FAM43A: variants seen among roughly 807,000 people sequenced by gnomAD.
FAM43A encodes the protein protein FAM43A.
FAM43A carries 11 observed loss-of-function variants against 15.7 expected under a neutral mutation model. The observed-to-expected ratio is 0.70, with a 90% confidence interval of 0.44 to 1.16. The LOEUF (loss-of-function observed/expected upper bound fraction) is 1.16, where lower values mean the gene tolerates loss of function less well. Among genes scored for constraint, FAM43A ranks in the 50% most tolerant of loss-of-function variants. The pLI, the probability that FAM43A is intolerant of heterozygous loss-of-function variation, is 0.00. For missense variants in FAM43A, 573 were observed against 620.0 expected, an observed-to-expected ratio of 0.92 and a Z score of 0.80; for synonymous variants, 319 against 291.7, an observed-to-expected ratio of 1.09 and a Z score of -0.96.
In FAM43A at chr3:194,686,999, G is replaced by C. The variant is rs1353264725; in HGVS notation, c.173G>C (p.Arg58Pro). ...GTGGGCAGCATGTTCCGCTCCAAGCGCAAGAAGCTGCACATCACTAGCGAG... is the reference window on the plus strand; with the variant it reads ...GTGGGCAGCATGTTCCGCTCCAAGCCCAAGAAGCTGCACATCACTAGCGAG... ...SRVGSMFRSK[R>P]KKLHITSEDP... Residue 58 changes from arginine (R) to proline (P), a missense_variant, in exon 1 of 1, where the codon CGC (arginine) becomes CCC (proline). Arg to Pro is a moderately radical substitution (Grantham distance 103, BLOSUM62 -2). Coordinates refer to ENST00000329759, the MANE Select transcript of FAM43A (RefSeq NM_153690.5). 6.2e-7 allele frequency: 1 copy of C among 1,609,258 alleles called. No homozygotes were observed. Among genetic ancestry groups the C allele is most frequent in the Admixed American group, 1.7e-5 (1 of 59,862 alleles).
In FAM43A at chr3:194,687,192, C is replaced by A. The variant is rs199570017; in HGVS notation, c.366C>A (p.His122Gln). The A allele has an allele frequency of 1.9e-6, 3 of 1,607,416 alleles. No homozygotes were observed. The highest frequency in any genetic ancestry group is 1.3e-5 in the African/African-American group (1 of 74,916). The change falls in exon 1 of 1, where the codon CAC becomes CAA. Residue 122 changes from histidine to glutamine, a missense_variant. Physicochemically the swap from His to Gln is conservative, Grantham distance 24. Coordinates refer to ENST00000329759, the MANE Select transcript of FAM43A (RefSeq NM_153690.5). ...GTGCGCAGGGTATCCGCATGGTGCACGCCGAGGAGCGCGCGCTGCGCCGCC... is the reference window on the plus strand; with the variant it reads ...GTGCGCAGGGTATCCGCATGGTGCAAGCCGAGGAGCGCGCGCTGCGCCGCC... ...TVSAQGIRMV[H>Q]AEERALRRPG...
rs1719425288 is a variant in FAM43A, at chr3:194,686,732, C to T, written c.-95C>T. The stretch of plus-strand genomic sequence containing the variant: ...AGTAGTTTTATTCTTCGATCTTGCC[C>T]GGGCCGAGCCTGGCAGGGGCCGGTG... On this transcript the variant is annotated 5_prime_UTR_variant, in exon 1 of 1. Coordinates refer to ENST00000329759, the MANE Select transcript of FAM43A (RefSeq NM_153690.5). The T allele has an allele frequency of 1.6e-6, 2 of 1,248,402 alleles. No homozygotes were observed. The highest frequency in any genetic ancestry group is 2.4e-5 in the South Asian group (1 of 40,934). The allele number at this position is 1,248,402 out of a possible 1,614,324, so 77.3% of individuals were successfully genotyped here.
rs536754927 is a variant in FAM43A, at chr3:194,688,999, C to G, written c.*901C>G. The G allele has an allele frequency of 6.3e-6, 1 of 158,998 alleles. No individual in the cohort carries two copies. Among genetic ancestry groups the G allele is most frequent in the Non-Finnish European group, 1.5e-5 (1 of 68,084 alleles). The allele number at this position is 158,998 out of a possible 1,614,324, so 9.8% of individuals were successfully genotyped here. A position where few individuals can be genotyped will look rare whatever the true frequency, so the allele number is the denominator to read the frequency against. ...TAGCACTGTTCTGGTTCTGTTTGCA[C>G]GCCAGTGGGGAGAGAATAAAGAGGA... On this transcript the variant is annotated 3_prime_UTR_variant, in exon 1 of 1. Coordinates refer to ENST00000329759, the MANE Select transcript of FAM43A (RefSeq NM_153690.5).
rs781105753 is a variant in FAM43A at position 194,688,014 on chromosome 3, G to T, written c.1188G>T (p.Gly396=). ...STGSESSIEG[G]GPDATSATAG... Reference sequence around the variant, plus strand: ...GCAGCGAGAGCTCCATCGAGGGCGGGGGCCCTGACGCCACCTCCGCCACCG... The same window carrying T: ...GCAGCGAGAGCTCCATCGAGGGCGGTGGCCCTGACGCCACCTCCGCCACCG... The change falls in exon 1 of 1, where the codon GGG becomes GGT. Residue 396 remains glycine (G), a synonymous_variant. Transcript: ENST00000329759. 2 of 1,421,174 alleles carry T rather than the reference G, an allele frequency of 1.4e-6. No individual in the cohort carries two copies. Among genetic ancestry groups the T allele is most frequent in the East Asian group, 5.4e-5 (2 of 36,852 alleles). 88.0% of individuals were successfully genotyped at this position (1,421,174 alleles called of 1,614,324 possible).
rs555267876 is a variant in FAM43A, at chr3:194,687,510, G to A, written c.684G>A (p.Lys228=). ...AHTIPLVPLR[K]LLLHGPCCYK... ...CCATCCCGCTAGTGCCGCTGCGCAA[G>A]CTGCTCCTACACGGACCCTGCTGCT... is the stretch of plus-strand genomic sequence containing the variant. Residue 228 remains lysine, a synonymous_variant, in exon 1 of 1, where the codon AAG becomes AAA. Coordinates refer to ENST00000329759, the MANE Select transcript of FAM43A (RefSeq NM_153690.5). 3.9e-6 allele frequency: 6 copies of A among 1,552,446 alleles called. No homozygotes were observed. The Admixed American group carries it at 9.6e-5, about 25-fold the overall frequency.
Position 194,687,813 on chromosome 3 carries a change from G to A in FAM43A, c.987G>A (p.Gly329=), listed in dbSNP as rs766422531. The change falls in exon 1 of 1, where the codon GGG becomes GGA. Residue 329 remains glycine (G), a synonymous_variant. Coordinates refer to ENST00000329759, the MANE Select transcript of FAM43A (RefSeq NM_153690.5). The part of the protein sequence containing the change: ...NGRGEALGGG[G]GSLGPGAGPP... ...GTGGGGAGGCGCTAGGAGGCGGCGGGGGCTCCCTGGGCCCGGGGGCCGGGC... is the reference window on the plus strand; with the variant it reads ...GTGGGGAGGCGCTAGGAGGCGGCGGAGGCTCCCTGGGCCCGGGGGCCGGGC... 3 of 1,452,100 alleles carry A rather than the reference G, an allele frequency of 2.1e-6. No homozygotes were observed. The highest frequency in any genetic ancestry group is 2.7e-6 in the Non-Finnish European group (3 of 1,099,618). The allele number at this position is 1,452,100 out of a possible 1,614,324, so 90.0% of individuals were successfully genotyped here.
At position 194,688,456 on chromosome 3, in the gene FAM43A, G is replaced by A; in HGVS notation, c.*358G>A. ...GTTTCCTGTTTGTGGGGCAGCTGGG[G>A]CCTGAGGAGGAGGGGTTCACTTCCT... On this transcript the variant is annotated 3_prime_UTR_variant, in exon 1 of 1. Transcript: ENST00000329759. 1 of 220,416 alleles carries A rather than the reference G, an allele frequency of 4.5e-6. No individual in the cohort carries two copies. The highest frequency in any genetic ancestry group is 9.7e-5 in the East Asian group (1 of 10,356). 13.7% of individuals were successfully genotyped at this position (220,416 alleles called of 1,614,324 possible).
In FAM43A at chr3:194,687,030, A is replaced by C. The variant is rs199523319; in HGVS notation, c.204A>C (p.Pro68=). ...AGCTGCACATCACTAGCGAGGACCCAACTTACACCGTGCTCTACCTGGGCA... is the reference window on the plus strand; with the variant it reads ...AGCTGCACATCACTAGCGAGGACCCCACTTACACCGTGCTCTACCTGGGCA... The part of the protein sequence containing the change: ...RKKLHITSED[P]TYTVLYLGNA... The change falls in exon 1 of 1, where the codon CCA becomes CCC. Residue 68 remains proline (P), a synonymous_variant. Transcript: ENST00000329759. 119 of 1,612,342 alleles carry C rather than the reference A, an allele frequency of 7.4e-5. No individual in the cohort carries two copies. Among genetic ancestry groups the C allele is most frequent in the Non-Finnish European group, 8.8e-5 (104 of 1,178,952 alleles).
chr3:194,687,252 C>T lies in FAM43A; in HGVS notation c.426C>T (p.Tyr142=). 1 of 1,599,190 alleles carries T rather than the reference C, an allele frequency of 6.3e-7. No individual in the cohort carries two copies. The highest frequency in any genetic ancestry group is 1.1e-5 in the South Asian group (1 of 90,570). The change falls in exon 1 of 1, where the codon TAC becomes TAT. Residue 142 remains tyrosine, a synonymous_variant. Coordinates refer to ENST00000329759, the MANE Select transcript of FAM43A (RefSeq NM_153690.5). Reference sequence around the variant, plus strand: ...TCTACCTGCTGCACCGCGTCACCTACTGCGTGGCCGACGCGCGGCTGCCCA... The same window carrying T: ...TCTACCTGCTGCACCGCGTCACCTATTGCGTGGCCGACGCGCGGCTGCCCA... ...GHLYLLHRVT[Y]CVADARLPKV...
In FAM43A at chr3:194,686,812, G is replaced by T; in HGVS notation, c.-15G>T. The T allele has an allele frequency of 6.6e-7, 1 of 1,510,474 alleles. No homozygotes were observed. The allele number at this position is 1,510,474 out of a possible 1,614,324, so 93.6% of individuals were successfully genotyped here. A position where few individuals can be genotyped will look rare whatever the true frequency, so the allele number is the denominator to read the frequency against. On this transcript the variant is annotated 5_prime_UTR_variant, in exon 1 of 1. Coordinates refer to ENST00000329759, the MANE Select transcript of FAM43A (RefSeq NM_153690.5). ...CCGCCGCCGCCGCCCAGCTGCGCCG[G>T]GGCGCCCTCCGGAGATGCTGCCGTG... is the stretch of plus-strand genomic sequence containing the variant.
At position 194,688,136 on chromosome 3, in the gene FAM43A, C is replaced by T; in HGVS notation, c.*38C>T. On this transcript the variant is annotated 3_prime_UTR_variant, in exon 1 of 1. Transcript: ENST00000329759. ...GTCGCCGGCGCTCCACCGTGGCTAC[C>T]CATCCGTGGTCCCGACAACCTCCCT... is the stretch of plus-strand genomic sequence containing the variant. The T allele has an allele frequency of 7.6e-7, 1 of 1,311,930 alleles. No homozygotes were observed. The highest frequency in any genetic ancestry group is 9.8e-7 in the Non-Finnish European group (1 of 1,024,212). The allele number at this position is 1,311,930 out of a possible 1,614,324, so 81.3% of individuals were successfully genotyped here. A position where few individuals can be genotyped will look rare whatever the true frequency, so the allele number is the denominator to read the frequency against.
Position 194,687,825 on chromosome 3 carries a change from CCCGGGGG to C in FAM43A, c.1005_1011del (p.Ala336ArgfsTer12). 6.9e-7 allele frequency: 1 copy of C among 1,448,042 alleles called. No individual in the cohort carries two copies. Among genetic ancestry groups the C allele is most frequent in the Non-Finnish European group, 9.1e-7 (1 of 1,098,422 alleles). The allele number at this position is 1,448,042 out of a possible 1,614,324, so 89.7% of individuals were successfully genotyped here. On this transcript the variant is annotated frameshift_variant, in exon 1 of 1. Transcript: ENST00000329759. LOFTEE classifies it high-confidence loss of function. Reference sequence around the variant, plus strand: ...TAGGAGGCGGCGGGGGCTCCCTGGGCCCGGGGGCCGGGCCGCCGCCTCTGCTGCTGGG... The same window carrying C: ...TAGGAGGCGGCGGGGGCTCCCTGGGCCCGGGCCGCCGCCTCTGCTGCTGGG...
rs768347113 is a variant in FAM43A at position 194,687,381 on chromosome 3, C to G, written c.555C>G (p.Ala185=). The G allele has an allele frequency of 3.9e-6, 6 of 1,537,894 alleles. No homozygotes were observed. In the South Asian group the frequency reaches 7.1e-5, roughly 18 times the overall value. ...VSKPEKAQAM[A]LLLYQTSANA... ...AGCCCGAAAAGGCGCAGGCCATGGC[C>G]CTGCTGCTCTACCAGACGTCGGCCA... is the stretch of plus-strand genomic sequence containing the variant. The change falls in exon 1 of 1, where the codon GCC becomes GCG. Residue 185 remains alanine, a synonymous_variant. Coordinates refer to ENST00000329759, the MANE Select transcript of FAM43A (RefSeq NM_153690.5).
chr3:194,686,244 G>A lies in FAM43A; in HGVS notation c.-583G>A, dbSNP rs1210342934. On this transcript the variant is annotated 5_prime_UTR_variant, in exon 1 of 1. Transcript: ENST00000329759. ...TGACTTGAGACCAGCCCAAACGGGG[G>A]GCTTTCCATCTCCAGCACCCCTCGG... 3.3e-5 allele frequency among the ~76,000 whole-genome samples: 5 copies of A among 152,316 alleles called. No homozygotes were observed. Among genetic ancestry groups the A allele is most frequent in the African/African-American group, 1.2e-4 (5 of 41,578 alleles).
At position 194,686,956 on chromosome 3, in the gene FAM43A, G is replaced by T. The variant is rs1270358476; in HGVS notation, c.130G>T (p.Glu44Ter). 1 of 1,610,450 alleles carries T rather than the reference G, an allele frequency of 6.2e-7. No homozygotes were observed. Among genetic ancestry groups the T allele is most frequent in the Non-Finnish European group, 8.5e-7 (1 of 1,177,970 alleles). The part of the protein sequence containing the change: ...ALSSLARACP[E>*]GALSRVGSMF... ...CAGCTCGCTGGCGCGGGCGTGCCCCGAAGGCGCGCTTAGCCGGGTGGGCAG... is the reference window on the plus strand; with the variant it reads ...CAGCTCGCTGGCGCGGGCGTGCCCCTAAGGCGCGCTTAGCCGGGTGGGCAG... Residue 44 changes from glutamate to a stop codon, truncating the protein, a stop_gained, in exon 1 of 1, where the codon GAA (glutamate) becomes TAA (stop). Coordinates refer to ENST00000329759, the MANE Select transcript of FAM43A (RefSeq NM_153690.5). LOFTEE classifies it high-confidence loss of function.
Position 194,687,890 on chromosome 3 carries a change from A to G in FAM43A, c.1064A>G (p.Gln355Arg), listed in dbSNP as rs931299103. ...TCCGACATGAAGGCTGAGCTGTCGC[A>G]ACTTATTAGCGACCTGGGCGAGCTC... ...SASDMKAELSQLISDLGELSF... is the reference protein window; with the variant it reads ...SASDMKAELSRLISDLGELSF... The change falls in exon 1 of 1, where the codon CAA becomes CGA. Residue 355 changes from glutamine to arginine, a missense_variant. Gln to Arg is a conservative substitution (Grantham distance 43). Transcript: ENST00000329759. 1 of 1,470,170 alleles carries G rather than the reference A, an allele frequency of 6.8e-7. No homozygotes were observed. Among genetic ancestry groups the G allele is most frequent in the African/African-American group, 1.4e-5 (1 of 69,424 alleles). The allele number at this position is 1,470,170 out of a possible 1,614,324, so 91.1% of individuals were successfully genotyped here.
Position 194,688,100 on chromosome 3 carries a change from C to A in FAM43A, c.*2C>A. ...GCAGACGAGCCCCACTCGGGCTGAG[C>A]TCCTCCGCGCGTCGCCGGCGCTCCA... On this transcript the variant is annotated 3_prime_UTR_variant, in exon 1 of 1. Coordinates refer to ENST00000329759, the MANE Select transcript of FAM43A (RefSeq NM_153690.5). The A allele has an allele frequency of 7.5e-7, 1 of 1,336,856 alleles. No homozygotes were observed. Among genetic ancestry groups the A allele is most frequent in the Non-Finnish European group, 9.6e-7 (1 of 1,038,386 alleles). 82.8% of individuals were successfully genotyped at this position (1,336,856 alleles called of 1,614,324 possible).
rs774299048 is a variant in FAM43A, at chr3:194,687,566, C to A, written c.740C>A (p.Ala247Glu). The A allele has an allele frequency of 2.5e-6, 4 of 1,586,804 alleles. No individual in the cohort carries two copies. The highest frequency in any genetic ancestry group is 8.6e-7 in the Non-Finnish European group (1 of 1,166,714). Residue 247 changes from alanine to glutamate, a missense_variant, in exon 1 of 1, where the codon GCG (alanine) becomes GAG (glutamate). Physicochemically the swap from Ala to Glu is moderately radical, Grantham distance 107 (BLOSUM62 -1). Coordinates refer to ENST00000329759, the MANE Select transcript of FAM43A (RefSeq NM_153690.5). ...YKPPVERSRS[A>E]PKLGSITEDL... ...CCGCCGGTGGAGCGCAGCCGCAGCG[C>A]GCCCAAGCTTGGCTCCATCACCGAG...
rs751166428 is a variant in FAM43A, at chr3:194,686,826, G to A, written c.-1G>A. 6.5e-7 allele frequency: 1 copy of A among 1,550,082 alleles called. No homozygotes were observed. Among genetic ancestry groups the A allele is most frequent in the South Asian group, 1.2e-5 (1 of 84,966 alleles). On this transcript the variant is annotated 5_prime_UTR_variant, in exon 1 of 1. Coordinates refer to ENST00000329759, the MANE Select transcript of FAM43A (RefSeq NM_153690.5). The stretch of plus-strand genomic sequence containing the variant: ...CAGCTGCGCCGGGGCGCCCTCCGGA[G>A]ATGCTGCCGTGGAAGAAGCACAAGT...
Sources: allele counts gnomAD v4.1 joint callset (sites outside exome capture counted in the v4.1 genomes callset), GRCh38; gene constraint gnomAD v4.1.1; transcripts MANE v1.5; gene names NCBI Gene and HGNC (gene_info 2026-07-23, HGNC 2026-07-21).